Variants in PPP1R13L observed in about 807,000 individuals in gnomAD.
The protein encoded by PPP1R13L is protein phosphatase 1 regulatory subunit 13 like, also known as relA-associated inhibitor.
A neutral mutation model predicts 80.9 loss-of-function variants in PPP1R13L; 50 were observed. The observed-to-expected ratio is 0.62, with a 90% CI of 0.49 to 0.78. The LOEUF (loss-of-function observed/expected upper bound fraction) is 0.78. Among genes scored for constraint, PPP1R13L ranks in the 30% least tolerant of loss-of-function variants. The probability of loss-of-function intolerance (pLI) is 0.00; values close to 1 mark genes in which losing one functional copy is unlikely to be tolerated. For synonymous variants in PPP1R13L, 602 were observed against 534.3 expected, an observed-to-expected ratio of 1.13 and a Z score of -1.75; for missense variants, 1,200 against 1,205.9, an observed-to-expected ratio of 1.00 and a Z score of 0.07.
At chr19:45,381,833 T>C (rs1051210322) in intron 12 of PPP1R13L, among the ~76,000 whole-genome samples, 1 of 150,684 alleles carries the variant, frequency 6.6e-6, no homozygotes, top group African/African-American at 2.4e-5. Context: ...CCAGCTACTC[T>C]GGAGGCCAAG....
chr19:45,392,892 C>T (rs544427597), intron 7 of PPP1R13L: 12 of 186,088 alleles, frequency 6.4e-5, no homozygotes, highest in Admixed American at 2.2e-4. Flanking sequence ...TTGGCTGAGT[C>T]GAGTGGCTCA....
At chr19:45,405,867 G>A (rs1973338621), upstream of PPP1R13L, among the ~76,000 whole-genome samples, 1 of 152,268 alleles carries the variant, frequency 6.6e-6, no homozygotes, top group Non-Finnish European at 1.5e-5. Flanking sequence ...AAGTGGGTGC[G>A]TCCCCCAAAT....
intron 12 of PPP1R13L, 59 bp from the exon 13 acceptor site, chr19:45,380,287 A>T (rs1972737536): frequency 3.8e-6 from 6 of 1,592,506 alleles, no homozygotes; most frequent in Non-Finnish European, 5.2e-6. Flanking sequence ...CCCACATGCA[A>T]ATCCGCTGCC....
intron 1 of PPP1R13L, 116 bp downstream of exon 1, chr19:45,404,883 C>T: frequency 3.8e-6 from 2 of 523,190 alleles, no homozygotes; most frequent in Non-Finnish European, 4.9e-6. Context: ...ATCCAGGTGT[C>T]GGCGCGCCCC....
At chr19:45,385,051 A>C (rs1163654536) in intron 11 of PPP1R13L, among the ~76,000 whole-genome samples, 1 of 151,562 alleles carries the variant, frequency 6.6e-6, no homozygotes, top group Admixed American at 6.6e-5. Flanking sequence ...CCCTGTGCAC[A>C]ATCCCCGTGG....
At chr19:45,404,325 T>A (rs1394944296) in intron 1 of PPP1R13L, among the ~76,000 whole-genome samples, 1 of 152,098 alleles carries the variant, frequency 6.6e-6, no homozygotes, top group African/African-American at 2.4e-5. Context: ...CGCCAGGGGG[T>A]GCCCTAGGGC....
chr19:45,398,849 T>C (rs1973170982), intron 1 of PPP1R13L, among the ~76,000 whole-genome samples: 1 of 151,682 alleles, frequency 6.6e-6, no homozygotes, highest in Admixed American at 6.6e-5. Context: ...TGAACAATTA[T>C]CTATTGATCA....
intron 1 of PPP1R13L, among the ~76,000 whole-genome samples, chr19:45,401,530 CT>C: frequency 6.6e-6 from 1 of 152,038 alleles, no homozygotes; most frequent in Non-Finnish European, 1.5e-5. Context: ...CCTTTAATCT[CT>C]ATGAGCCCCA....
At position 45,405,051 on chromosome 19, in the gene PPP1R13L, T is replaced by G; in HGVS notation, c.-74A>C. The G allele has an allele frequency of 1.0e-6, 1 of 985,846 alleles. No individual in the cohort carries two copies. Among genetic ancestry groups the G allele is most frequent in the Non-Finnish European group, 1.2e-6 (1 of 830,030 alleles). 61.1% of individuals were successfully genotyped at this position (985,846 alleles called of 1,614,324 possible). On this transcript the variant is annotated 5_prime_UTR_variant, in exon 1 of 13. Transcript: ENST00000360957. ...GGCTTCCTCCAGCTCGGGCTCCGGC[T>G]TGGGGAGCGGAGAACGGGGCGGGGC...
intron 12 of PPP1R13L, among the ~76,000 whole-genome samples, chr19:45,381,438 A>C (rs1972761155): frequency 6.6e-6 from 1 of 151,990 alleles, no homozygotes; most frequent in Non-Finnish European, 1.5e-5. Flanking sequence ...TCCCAGCCTT[A>C]ATCTACAATT....
rs1384017296 is a variant in PPP1R13L, at chr19:45,396,302, T to C, written c.811+36A>G. 1 of 1,613,734 alleles carries C rather than the reference T, an allele frequency of 6.2e-7. No individual in the cohort carries two copies. The highest frequency in any genetic ancestry group is 1.7e-5 in the Admixed American group (1 of 60,008). ...TTAGGGTCTGTGGGGCTGCCTCTCCTCCGGGTCCTCCATTCCCCGGGCCTC... is the reference window on the plus strand; with the variant it reads ...TTAGGGTCTGTGGGGCTGCCTCTCCCCCGGGTCCTCCATTCCCCGGGCCTC... On this transcript the variant is annotated intron_variant, in intron 5 of 12. Coordinates refer to ENST00000360957, the MANE Select transcript of PPP1R13L (RefSeq NM_006663.4). This position sits in a 1 kb window ranked among gnomAD's most constrained non-coding sequence, Gnocchi z 5.3.
In PPP1R13L at chr19:45,392,244, A is replaced by C; in HGVS notation, c.1451T>G (p.Val484Gly). The change falls in exon 8 of 13, where the codon GTA becomes GGA. Residue 484 changes from valine to glycine, a missense_variant. Physicochemically the swap from Val to Gly is moderately radical, Grantham distance 109. Coordinates refer to ENST00000360957, the MANE Select transcript of PPP1R13L (RefSeq NM_006663.4). ...LEAGDVDEGP[V>G]ARPLSPTRLQ... ...CCTCGTGGGGCTGAGAGGCCTTGCTACAGGGCCTTCATCCACATCGCCAGC... is the reference window on the plus strand; with the variant it reads ...CCTCGTGGGGCTGAGAGGCCTTGCTCCAGGGCCTTCATCCACATCGCCAGC... 6.2e-7 allele frequency: 1 copy of C among 1,613,194 alleles called. No individual in the cohort carries two copies. Among genetic ancestry groups the C allele is most frequent in the South Asian group, 1.1e-5 (1 of 91,072 alleles).
chr19:45,382,479 C>G lies in PPP1R13L; in HGVS notation c.2448+48G>C, dbSNP rs766419801. The stretch of plus-strand genomic sequence containing the variant: ...TTTCCTGTGGGATCCCCCTTTTCCC[C>G]AACCCCCAACTGTCGGGAGGTCCCC... On this transcript the variant is annotated intron_variant, in intron 12 of 12. Coordinates refer to ENST00000360957, the MANE Select transcript of PPP1R13L (RefSeq NM_006663.4). 6.3e-6 allele frequency: 10 copies of G among 1,582,776 alleles called. No individual in the cohort carries two copies. In the Admixed American group the frequency reaches 1.7e-4, roughly 27 times the overall value.
chr19:45,403,563 C>T (rs1041634042), intron 1 of PPP1R13L, among the ~76,000 whole-genome samples: 2 of 152,112 alleles, frequency 1.3e-5, no homozygotes, highest in African/African-American at 4.8e-5. Flanking sequence ...TTTCTCCACT[C>T]GTAATGAGGA....
chr19:45,396,885 C>A lies in PPP1R13L; in HGVS notation c.372G>T (p.Pro124=). 1 of 1,525,392 alleles carries A rather than the reference C, an allele frequency of 6.6e-7. No homozygotes were observed. Among genetic ancestry groups the A allele is most frequent in the Non-Finnish European group, 8.7e-7 (1 of 1,144,304 alleles). The allele number at this position is 1,525,392 out of a possible 1,614,324, so 94.5% of individuals were successfully genotyped here. A position where few individuals can be genotyped will look rare whatever the true frequency, so the allele number is the denominator to read the frequency against. The part of the protein sequence containing the change: ...PKGRPSSPRT[P]LYLQPDAYGS... ...CGTAGGCGTCCGGCTGCAGGTAGAG[C>A]GGGGTGCGCGGCGACGACGGCCGTC... The change falls in exon 4 of 13, where the codon CCG becomes CCT. Residue 124 remains proline, a synonymous_variant. Transcript: ENST00000360957. The surrounding 1 kb of genome is among the most constrained non-coding windows in gnomAD (Gnocchi z 5.3).
chr19:45,394,471 T>C (rs904578181), intron 7 of PPP1R13L, among the ~76,000 whole-genome samples: 2 of 151,858 alleles, frequency 1.3e-5, no homozygotes, highest in Admixed American at 6.6e-5. Flanking sequence ...TAGCTTACTA[T>C]GTATCAGATC....
intron 1 of PPP1R13L, among the ~76,000 whole-genome samples, chr19:45,401,118 C>T (rs1313643485): frequency 6.6e-6 from 1 of 151,128 alleles, no homozygotes; most frequent in Non-Finnish European, 1.5e-5. Flanking sequence ...CTTTGGGAGG[C>T]TAAGGCGGGA....
intron 8 of PPP1R13L, among the ~76,000 whole-genome samples, chr19:45,387,995 C>T (rs996065958): frequency 3.3e-5 from 5 of 151,806 alleles, no homozygotes; most frequent in African/African-American, 2.4e-5. Context: ...GTGGTGAAAC[C>T]CTGTCTCTAC....
rs201982584 is a variant in PPP1R13L, at chr19:45,396,365, T to G, written c.784A>C (p.Lys262Gln). Residue 262 changes from lysine to glutamine, a missense_variant, in exon 5 of 13, where the codon AAG becomes CAG. Coordinates refer to ENST00000360957, the MANE Select transcript of PPP1R13L (RefSeq NM_006663.4). The surrounding 1 kb of genome is among the most constrained non-coding windows in gnomAD (Gnocchi z 5.3). The stretch of plus-strand genomic sequence containing the variant: ...TCATAGCTCGCTGTCTGCGAAGGCT[T>G]CTTCTCGTACGCCACGTCCAGGTCA... ...ESDLDVAYEK[K>Q]PSQTASYERL... 63 of 1,613,964 alleles carry G rather than the reference T, an allele frequency of 3.9e-5. No homozygotes were observed. Among genetic ancestry groups the G allele is most frequent in the Non-Finnish European group, 5.0e-5 (59 of 1,179,966 alleles).
Sources: gnomAD v4.1 joint callset for allele counts (sites outside exome capture counted in the v4.1 genomes callset) on GRCh38, gnomAD v4.1.1 for gene constraint, Gnocchi (gnomAD v3.1) non-coding constraint, MANE v1.5 for transcripts, NCBI Gene and HGNC (gene_info 2026-07-23, HGNC 2026-07-21) for gene names.